CARHSP1: variants seen among roughly 807,000 people sequenced by gnomAD.
The protein encoded by CARHSP1 is calcium-regulated heat-stable protein 1.
Under a neutral mutation model 12.5 loss-of-function variants are expected in CARHSP1, and 14 were observed. That is an observed-to-expected ratio of 1.12 (90% CI 0.74 to 1.75). The LOEUF (loss-of-function observed/expected upper bound fraction) is 1.75, where lower values mean the gene tolerates loss of function less well. Ranked by LOEUF, CARHSP1 falls within the 40% of genes most tolerant of loss-of-function variation. CARHSP1 has a pLI of 0.00. For missense variants in CARHSP1, 343 were observed against 201.6 expected (o/e 1.70, Z -4.25); for synonymous variants, 161 against 82.0 (o/e 1.96, Z -5.20).
chr16:8,860,162 C>G (rs970217216), intron 1 of CARHSP1: 1 of 985,320 alleles, frequency 1.0e-6, no homozygotes, highest in African/African-American at 1.7e-5. Context: ...AGCTCAAGCG[C>G]CACGTTTGGA....
intron 1 of CARHSP1, chr16:8,860,178 G>A (rs1381444849): frequency 7.1e-6 from 7 of 985,308 alleles, no homozygotes; most frequent in Non-Finnish European, 7.2e-6. Flanking sequence ...TTGGATCCCT[G>A]AGCAGCTGTC....
chr16:8,855,797 G>C (rs1474443790), intron 3 of CARHSP1, among the ~76,000 whole-genome samples: 1 of 152,182 alleles, frequency 6.6e-6, no homozygotes, highest in South Asian at 2.1e-4. Flanking sequence ...ACCGCACCGT[G>C]TCTTTGTTCT....
At chr16:8,856,929 G>A (rs565153354) in intron 3 of CARHSP1, among the ~76,000 whole-genome samples, 2 of 152,010 alleles carry the variant, frequency 1.3e-5, no homozygotes, top group East Asian at 3.9e-4. Flanking sequence ...CAGACACTCA[G>A]GAAGGAAGGA....
intron 1 of CARHSP1, chr16:8,861,787 G>C: frequency 7.9e-7 from 1 of 1,261,262 alleles, no homozygotes; most frequent in Middle Eastern, 3.4e-4. Flanking sequence ...TGACCTACCA[G>C]CACAGGTCAT....
chr16:8,864,454 A>G (rs2061422763), intron 1 of CARHSP1, among the ~76,000 whole-genome samples: 1 of 152,152 alleles, frequency 6.6e-6, no homozygotes, highest in Non-Finnish European at 1.5e-5. Flanking sequence ...TCTGCTTACT[A>G]CTTTACAACA....
rs571261953 is a variant in CARHSP1, at chr16:8,861,848, G to A, written c.-7-2513C>T. ...GAGTTCCAGGAAAGAGGCTGGCCCT[G>A]GGAGGGGAGGGCCCTGTCCAGGCCT... On this transcript the variant is annotated intron_variant, in intron 1 of 3. Coordinates refer to ENST00000311052, the MANE Select transcript of CARHSP1 (RefSeq NM_014316.4). The A allele has an allele frequency of 2.9e-5, 34 of 1,191,010 alleles. No homozygotes were observed. The East Asian group carries it at 8.8e-4, about 31-fold the overall frequency. The allele number at this position is 1,191,010 out of a possible 1,614,324, so 73.8% of individuals were successfully genotyped here. A position where few individuals can be genotyped will look rare whatever the true frequency, so the allele number is the denominator to read the frequency against.
At chr16:8,861,924 A>G (rs2061367199) in intron 1 of CARHSP1, 4 of 564,074 alleles carry the variant, frequency 7.1e-6, no homozygotes, top group South Asian at 2.4e-5. Flanking sequence ...AGTTAGAGAC[A>G]CTGCCCTGCC....
chr16:8,867,984 A>G (rs1439517193), intron 1 of CARHSP1: 2 of 152,352 alleles, frequency 1.3e-5, no homozygotes, highest in African/African-American at 4.8e-5. Context: ...TGACAGGGGC[A>G]AGCAAGACTG....
At chr16:8,856,355 G>A (rs1377798878) in intron 3 of CARHSP1, among the ~76,000 whole-genome samples, 1 of 152,202 alleles carries the variant, frequency 6.6e-6, no homozygotes, top group Non-Finnish European at 1.5e-5. Context: ...AGAATCGTAT[G>A]GTGAAGAGTG....
chr16:8,861,648 G>A (rs985060007), intron 1 of CARHSP1: 5 of 1,289,122 alleles, frequency 3.9e-6, no homozygotes, highest in East Asian at 5.6e-5. Flanking sequence ...TTGCCTTCTG[G>A]AGGAGGTGGC....
chr16:8,861,667 T>A, intron 1 of CARHSP1: 3 of 1,288,968 alleles, frequency 2.3e-6, no homozygotes, highest in Non-Finnish European at 3.0e-6. Context: ...GCATCCTACC[T>A]CCTGTCCCTT....
chr16:8,858,595 A>G (rs911958682), intron 2 of CARHSP1, 123 bp from the exon 3 acceptor site: 19 of 1,229,778 alleles, frequency 1.5e-5, no homozygotes, highest in Non-Finnish European at 1.9e-5. Flanking sequence ...GTACAGTCAC[A>G]CAGGCTGAGG....
At chr16:8,864,264 T>C (rs925355797) in intron 1 of CARHSP1, among the ~76,000 whole-genome samples, 1 of 152,148 alleles carries the variant, frequency 6.6e-6, no homozygotes, top group Non-Finnish European at 1.5e-5. Flanking sequence ...ATGCGTGAAC[T>C]TGTTGCCGTC....
At chr16:8,862,494 C>A (rs753225046) in intron 1 of CARHSP1, among the ~76,000 whole-genome samples, 3 of 152,042 alleles carry the variant, frequency 2.0e-5, no homozygotes, top group Non-Finnish European at 2.9e-5. Flanking sequence ...AGAGAATAAA[C>A]AGTTAAATAA....
chr16:8,858,497 G>A (rs1308116395), intron 2 of CARHSP1, 25 bp from the exon 3 acceptor site: 3 of 1,611,242 alleles, frequency 1.9e-6, no homozygotes, highest in Non-Finnish European at 2.5e-6. Flanking sequence ...GAAATGTCAG[G>A]GGCCCCATCA....
At position 8,854,073 on chromosome 16, in the gene CARHSP1, G is replaced by C. The variant is rs2061020597; in HGVS notation, c.*1091C>G. On this transcript the variant is annotated 3_prime_UTR_variant, in exon 4 of 4. Coordinates refer to ENST00000311052, the MANE Select transcript of CARHSP1 (RefSeq NM_014316.4). Reference sequence around the variant, plus strand: ...CACTCCAGCCTGGGTGACAGAATGAGACTCAGTCTCCCACCCTGCCAAAAA... The same window carrying C: ...CACTCCAGCCTGGGTGACAGAATGACACTCAGTCTCCCACCCTGCCAAAAA... 1 of 152,048 alleles carries C rather than the reference G, an allele frequency of 6.6e-6. No individual in the cohort carries two copies. Among genetic ancestry groups the C allele is most frequent in the South Asian group, 2.1e-4 (1 of 4,830 alleles). 9.4% of individuals were successfully genotyped at this position (152,048 alleles called of 1,614,324 possible). A position where few individuals can be genotyped will look rare whatever the true frequency, so the allele number is the denominator to read the frequency against.
chr16:8,855,225 ATG>A lies in CARHSP1; in HGVS notation c.381_382del (p.Ile128HisfsTer10). 1 of 1,613,290 alleles carries A rather than the reference ATG, an allele frequency of 6.2e-7. No individual in the cohort carries two copies. Among genetic ancestry groups the A allele is most frequent in the Non-Finnish European group, 8.5e-7 (1 of 1,179,514 alleles). ...CTTGGTGCCTGGTGCCAGGTGAGTG[ATG>A]ACGACCTCCACGGCCTGCAGCTTCT... On this transcript the variant is annotated frameshift_variant, in exon 4 of 4. Coordinates refer to ENST00000311052, the MANE Select transcript of CARHSP1 (RefSeq NM_014316.4). LOFTEE classifies it high-confidence loss of function.
chr16:8,860,062 G>T, intron 1 of CARHSP1: 1 of 848,408 alleles, frequency 1.2e-6, no homozygotes, highest in Non-Finnish European at 1.4e-6. Flanking sequence ...CCCTGACGCT[G>T]CTGGGAGCCA....
intron 3 of CARHSP1, among the ~76,000 whole-genome samples, chr16:8,857,203 A>G (rs2061146050): frequency 6.9e-6 from 1 of 144,910 alleles, no homozygotes; most frequent in African/African-American, 2.5e-5. Flanking sequence ...CCACAAGCAT[A>G]GTCGGGCACC....
Sources: allele counts gnomAD v4.1 joint callset (sites outside exome capture counted in the v4.1 genomes callset), GRCh38; gene constraint gnomAD v4.1.1; transcripts MANE v1.5; gene names NCBI Gene and HGNC (gene_info 2026-07-23, HGNC 2026-07-21).